The following EPB41 variants were observed in gnomAD, a reference collection of about 807,000 sequenced individuals.
The protein encoded by EPB41 is erythrocyte membrane protein band 4.1, also known as protein 4.1.
A neutral mutation model predicts 108.0 loss-of-function variants in EPB41; 65 were observed. The observed-to-expected ratio is 0.60, with a 90% CI of 0.49 to 0.74. EPB41 has a LOEUF of 0.74. Ranked by LOEUF, EPB41 falls within the 30% of genes least tolerant of loss-of-function variation. The pLI is 0.00. For synonymous variants in EPB41, 336 were observed against 358.9 expected (o/e 0.94, Z 0.72); for missense variants, 875 against 1,037.0 (o/e 0.84, Z 2.15).
chr1:29,077,215 A>G (rs1256714946), intron 16 of EPB41, among the ~76,000 whole-genome samples: 1 of 152,124 alleles, frequency 6.6e-6, no homozygotes, highest in South Asian at 2.1e-4. Context: ...CAAGGAATCT[A>G]GTATACCCTT....
chr1:28,925,387 A>G (rs1019024051), intron 1 of EPB41, among the ~76,000 whole-genome samples: 5 of 152,154 alleles, frequency 3.3e-5, no homozygotes, highest in Non-Finnish European at 7.4e-5. Flanking sequence ...TTGGGATTAT[A>G]GTCATGAGCC....
intron 1 of EPB41, among the ~76,000 whole-genome samples, chr1:28,932,858 G>C (rs2093820104): frequency 6.6e-6 from 1 of 152,086 alleles, no homozygotes; most frequent in South Asian, 2.1e-4. Flanking sequence ...GAGGTCAAGG[G>C]TTTACAAGTA....
chr1:28,964,282 A>G (rs2095304300), intron 1 of EPB41, among the ~76,000 whole-genome samples: 1 of 152,154 alleles, frequency 6.6e-6, no homozygotes, highest in African/African-American at 2.4e-5. Flanking sequence ...CGTCTCTACT[A>G]AAAATACAAA....
intron 1 of EPB41, among the ~76,000 whole-genome samples, chr1:28,896,619 A>G (rs1340772850): frequency 6.6e-6 from 1 of 152,252 alleles, no homozygotes; most frequent in Non-Finnish European, 1.5e-5. Context: ...AGTGGAAGGA[A>G]CAGCATGTGC....
intron 1 of EPB41, among the ~76,000 whole-genome samples, chr1:28,976,608 C>T (rs2095613179): frequency 6.6e-6 from 1 of 152,110 alleles, no homozygotes; most frequent in African/African-American, 2.4e-5. Flanking sequence ...CCTGCCTTGG[C>T]CTCCCAAAGT....
intron 10 of EPB41, among the ~76,000 whole-genome samples, chr1:29,036,657 G>A (rs1439948800): frequency 6.6e-6 from 1 of 150,610 alleles, no homozygotes; most frequent in Non-Finnish European, 1.5e-5. Flanking sequence ...TATACTATAA[G>A]GTTAAAGATG....
intron 1 of EPB41, chr1:28,982,129 G>T: frequency 1.0e-5 from 3 of 301,444 alleles, no homozygotes; most frequent in South Asian, 3.0e-5. Context: ...CCACCTATGA[G>T]TGAGAACATG....
rs113709906 is a variant in EPB41, at chr1:28,987,998, C to G, written c.468+93C>G. ...AGTATTTGGGCTGGGCGCGGTGGCT[C>G]ATGCCTGTAATTCCACCACTTTGGG... On this transcript the variant is annotated intron_variant, in intron 2 of 20. Coordinates refer to ENST00000343067, the MANE Select transcript of EPB41 (RefSeq NM_001376013.1). 2.0e-3 allele frequency: 2,682 copies of G among 1,349,958 alleles called. 16 individuals are homozygous for G. Among genetic ancestry groups the G allele is most frequent in the Middle Eastern group, 8.7e-3 (44 of 5,070 alleles). 83.6% of individuals were successfully genotyped at this position (1,349,958 alleles called of 1,614,324 possible).
chr1:29,006,669 C>T (rs2096408874), intron 4 of EPB41, among the ~76,000 whole-genome samples: 1 of 152,024 alleles, frequency 6.6e-6, no homozygotes, highest in Admixed American at 6.6e-5. Context: ...AGTTGTTACT[C>T]CTCCCCACTC....
intron 1 of EPB41, among the ~76,000 whole-genome samples, chr1:28,958,295 A>G (rs2095042621): frequency 1.3e-5 from 2 of 152,178 alleles, no homozygotes; most frequent in Admixed American, 6.6e-5. Flanking sequence ...TCAAAAATAC[A>G]AAGATTAGCC....
At chr1:28,982,061 C>G (rs2095761617) in intron 1 of EPB41, among the ~76,000 whole-genome samples, 2 of 151,326 alleles carry the variant, frequency 1.3e-5, no homozygotes, top group South Asian at 4.2e-4. Flanking sequence ...CACCCCACGA[C>G]AGTCCCCGGT....
intron 11 of EPB41, among the ~76,000 whole-genome samples, chr1:29,051,065 C>G (rs1644400863): frequency 7.0e-6 from 1 of 142,530 alleles, no homozygotes; most frequent in South Asian, 2.3e-4. Context: ...GAGTAATGAG[C>G]ATTTCTTTCT....
intron 1 of EPB41, among the ~76,000 whole-genome samples, chr1:28,963,880 A>T (rs566813639): frequency 3.4e-4 from 52 of 152,300 alleles, no homozygotes; most frequent in African/African-American, 1.2e-3. Context: ...CAACTTTTCT[A>T]AAAACAGAAC....
chr1:29,066,225 C>G (rs1019337711), intron 16 of EPB41, among the ~76,000 whole-genome samples: 13 of 151,820 alleles, frequency 8.6e-5, no homozygotes, highest in Non-Finnish European at 1.3e-4. Context: ...TCGAGACCAG[C>G]CTGGCCAGCA....
chr1:29,070,659 T>C (rs1650912226), intron 16 of EPB41: 1 of 1,231,898 alleles, frequency 8.1e-7, no homozygotes, highest in Non-Finnish European at 1.0e-6. Context: ...ACCATTGAAC[T>C]TCTGTCCTTG....
chr1:28,947,807 A>T (rs553164483), intron 1 of EPB41, among the ~76,000 whole-genome samples: 42 of 152,320 alleles, frequency 2.8e-4, no homozygotes, highest in African/African-American at 1.0e-3. Context: ...ACAGAGTGAG[A>T]CTGTCTCAAC....
chr1:28,988,961 A>T (rs1005507573), intron 2 of EPB41, among the ~76,000 whole-genome samples: 3 of 152,248 alleles, frequency 2.0e-5, no homozygotes, highest in Non-Finnish European at 4.4e-5. Context: ...AAGATTTCTC[A>T]TGAGAGAGGA....
chr1:28,964,458 G>C (rs934497591), intron 1 of EPB41, among the ~76,000 whole-genome samples: 1 of 151,148 alleles, frequency 6.6e-6, no homozygotes, highest in Non-Finnish European at 1.5e-5. Context: ...AAAATTAGCT[G>C]GGTGTGGTGG....
At chr1:28,979,338 C>T (rs547114307) in intron 1 of EPB41, among the ~76,000 whole-genome samples, 27 of 151,470 alleles carry the variant, frequency 1.8e-4, no homozygotes, top group Non-Finnish European at 3.2e-4. Context: ...AATACAAGTG[C>T]GGTGAGTGTT....
Sources: allele counts gnomAD v4.1 joint callset (sites outside exome capture counted in the v4.1 genomes callset), GRCh38; gene constraint gnomAD v4.1.1; transcripts MANE v1.5; gene names NCBI Gene and HGNC (gene_info 2026-07-23, HGNC 2026-07-21).